DYM: variants seen among roughly 807,000 people sequenced by gnomAD.
DYM encodes dymeclin.
In DYM, 78 loss-of-function variants were observed where a neutral mutation model predicts 93.1. The observed-to-expected ratio is 0.84, with a 90% CI of 0.70 to 1.01. The LOEUF is 1.01. DYM is among the 50% of genes least tolerant of loss of function. DYM has a pLI of 0.00. For synonymous variants in DYM, 321 were observed against 319.7 expected (o/e 1.00, Z -0.04); for missense variants, 789 against 845.0 (o/e 0.93, Z 0.82).
At chr18:49,091,959 A>G (rs1599683226) in intron 17 of DYM, among the ~76,000 whole-genome samples, 2 of 152,160 alleles carry the variant, frequency 1.3e-5, no homozygotes, top group East Asian at 3.9e-4. Context: ...ATAATACTGG[A>G]TCATTAAATC....
At chr18:49,144,936 C>T (rs1407524147) in intron 15 of DYM, among the ~76,000 whole-genome samples, 1 of 150,262 alleles carries the variant, frequency 6.7e-6, no homozygotes. Context: ...GCTGCATTTA[C>T]AAAAAATAAA....
At chr18:49,081,191 C>G (rs2145186477) in intron 17 of DYM, among the ~76,000 whole-genome samples, 1 of 149,848 alleles carries the variant, frequency 6.7e-6, no homozygotes, top group African/African-American at 2.5e-5. Flanking sequence ...GAGATCACGC[C>G]AGTGCACTCC....
At chr18:49,201,233 A>AAT (rs1479588350) in intron 14 of DYM, among the ~76,000 whole-genome samples, 2 of 152,240 alleles carry the variant, frequency 1.3e-5, no homozygotes, top group Non-Finnish European at 2.9e-5. Context: ...ACATGCACAG[A>AAT]AGTAATAACA....
intron 13 of DYM, among the ~76,000 whole-genome samples, chr18:49,227,879 A>G (rs1037273920): frequency 6.6e-6 from 1 of 152,078 alleles, no homozygotes; most frequent in African/African-American, 2.4e-5. Context: ...CTATCTGGAG[A>G]TACTTCTTCA....
At chr18:49,205,289 A>G (rs2092412763) in intron 14 of DYM, among the ~76,000 whole-genome samples, 1 of 152,156 alleles carries the variant, frequency 6.6e-6, no homozygotes, top group South Asian at 2.1e-4. Flanking sequence ...AATAAGAACA[A>G]ATGTAAAGCC....
intron 17 of DYM, among the ~76,000 whole-genome samples, chr18:49,065,354 G>T (rs2076306875): frequency 6.6e-6 from 1 of 151,976 alleles, no homozygotes; most frequent in South Asian, 2.1e-4. Context: ...CCTTTTTCTA[G>T]TGAAACAGTT....
chr18:49,446,588 T>C (rs940529387), intron 1 of DYM, among the ~76,000 whole-genome samples: 30 of 152,134 alleles, frequency 2.0e-4, no homozygotes, highest in African/African-American at 6.8e-4. Context: ...AAGAAGCCTA[T>C]CAACAGTCAA....
intron 6 of DYM, among the ~76,000 whole-genome samples, chr18:49,346,204 T>C (rs1242583698): frequency 6.6e-6 from 1 of 152,190 alleles, no homozygotes; most frequent in African/African-American, 2.4e-5. Flanking sequence ...TTACTCATAA[T>C]GGCCAAAAAG....
intron 14 of DYM, among the ~76,000 whole-genome samples, chr18:49,185,971 A>G (rs1322578550): frequency 6.6e-6 from 1 of 152,152 alleles, no homozygotes; most frequent in Non-Finnish European, 1.5e-5. Context: ...TTAAAGGATT[A>G]TTACGATGTG....
intron 17 of DYM, among the ~76,000 whole-genome samples, chr18:49,049,080 C>T (rs948860390): frequency 2.0e-5 from 3 of 152,078 alleles, no homozygotes; most frequent in African/African-American, 7.2e-5. Flanking sequence ...CAAGAGAAGA[C>T]GTGTAGATTT....
chr18:49,402,074 G>C (rs1301717876), intron 2 of DYM, among the ~76,000 whole-genome samples: 1 of 151,402 alleles, frequency 6.6e-6, no homozygotes, highest in Non-Finnish European at 1.5e-5. Flanking sequence ...TATAGAGGAA[G>C]CTCTTAAACA....
chr18:49,071,180 G>T (rs901827393), intron 17 of DYM, among the ~76,000 whole-genome samples: 3 of 152,164 alleles, frequency 2.0e-5, no homozygotes, highest in Non-Finnish European at 4.4e-5. Flanking sequence ...GCATGAATTT[G>T]ATAAGACTGA....
intron 17 of DYM, among the ~76,000 whole-genome samples, chr18:49,087,268 CA>C (rs563725331): frequency 1.0e-3 from 156 of 152,040 alleles, no homozygotes; most frequent in Admixed American, 2.0e-3. Context: ...ATTTTGCTAC[CA>C]AAAAAATTAG....
Position 49,289,761 on chromosome 18 carries a change from A to G in DYM, c.764-3145T>C, listed in dbSNP as rs1212708202. 2.8e-4 allele frequency among the ~76,000 whole-genome samples: 16 copies of G among 57,394 alleles called. 1 individual carries two copies. Among genetic ancestry groups the G allele is most frequent in the Non-Finnish European group, 4.6e-4 (14 of 30,564 alleles). 37.7% of individuals were successfully genotyped at this position (57,394 alleles called of 152,430 possible). On this transcript the variant is annotated intron_variant, in intron 8 of 17. Transcript: ENST00000675505. ...TATATATATATATATATATATATATATATATATATATACACATATATATAT... is the reference window on the plus strand; with the variant it reads ...TATATATATATATATATATATATATGTATATATATATACACATATATATAT...
intron 17 of DYM, among the ~76,000 whole-genome samples, chr18:49,086,230 G>A (rs1346727336): frequency 6.6e-6 from 1 of 152,182 alleles, no homozygotes; most frequent in African/African-American, 2.4e-5. Context: ...CCCAGGTTGG[G>A]CTGCATCTGG....
intron 17 of DYM, among the ~76,000 whole-genome samples, chr18:49,072,580 A>G (rs1428486515): frequency 6.6e-6 from 1 of 152,226 alleles, no homozygotes; most frequent in African/African-American, 2.4e-5. Context: ...TTTGGAAGAA[A>G]CCAGATTTCG....
chr18:49,273,064 T>C (rs1036499910), intron 10 of DYM, among the ~76,000 whole-genome samples: 5 of 151,876 alleles, frequency 3.3e-5, no homozygotes, highest in Admixed American at 6.6e-5. Flanking sequence ...AATGAGCAAA[T>C]TGTTTACACA....
Position 49,163,693 on chromosome 18 carries a change from G to A in DYM, c.1720C>T (p.Pro574Ser), listed in dbSNP as rs750091188. The A allele has an allele frequency of 1.9e-5, 31 of 1,608,428 alleles. No homozygotes were observed. Among genetic ancestry groups the A allele is most frequent in the Non-Finnish European group, 2.6e-5 (30 of 1,175,780 alleles). The change falls in exon 15 of 18, where the codon CCA becomes TCA. Residue 574 changes from proline (P) to serine (S), a missense_variant. Physicochemically the swap from Pro to Ser is moderately conservative, Grantham distance 74. Coordinates refer to ENST00000675505, the MANE Select transcript of DYM (RefSeq NM_001353214.3). ...ATAAGGTAACTACTTACATAATCTG[G>A]TAGAGGAACATCATTAGAACTCAGC... The part of the protein sequence containing the change: ...GSLSSNDVPL[P>S]DYAQDLNVIE...
At position 49,286,482 on chromosome 18, in the gene DYM, C is replaced by A. The variant is rs750184181; in HGVS notation, c.898G>T (p.Ala300Ser). 1.1e-5 allele frequency: 17 copies of A among 1,614,034 alleles called. No individual in the cohort carries two copies. In the African/African-American group the frequency reaches 1.5e-4, roughly 14 times the overall value. Reference protein sequence around the residue: ...VLANLTDASDAPNPYRQAIMS... With the variant: ...VLANLTDASDSPNPYRQAIMS... ...ATGGCTTGTCTGTAGGGGTTTGGCG[C>A]ATCTGAGGCATCTGTCAGATTGGCC... is the stretch of plus-strand genomic sequence containing the variant. Residue 300 changes from alanine (A) to serine (S), a missense_variant, in exon 9 of 18, where the codon GCG (alanine) becomes TCG (serine). By Grantham distance (99) the Ala-to-Ser change is moderately conservative. Transcript: ENST00000675505.
Sources: allele counts gnomAD v4.1 joint callset (sites outside exome capture counted in the v4.1 genomes callset), GRCh38; gene constraint gnomAD v4.1.1; transcripts MANE v1.5; gene names NCBI Gene and HGNC (gene_info 2026-07-23, HGNC 2026-07-21).